Variants in GGA2 observed in about 807,000 individuals in gnomAD.
GGA2 encodes the protein ADP-ribosylation factor-binding protein GGA2.
GGA2 carries 48 observed loss-of-function variants against 79.5 expected under a neutral mutation model. The observed-to-expected ratio is 0.60, with a 90% CI of 0.48 to 0.77. The LOEUF is 0.77. Among genes scored for constraint, GGA2 ranks in the 30% least tolerant of loss-of-function variants. The pLI is 0.00. For missense variants in GGA2, 770 were observed against 774.0 expected, an observed-to-expected ratio of 0.99 and a Z score of 0.06; for synonymous variants, 317 against 302.0, an observed-to-expected ratio of 1.05 and a Z score of -0.51.
chr16:23,521,764 T>C (rs1567375298), intron 1 of GGA2: 1 of 449,544 alleles, frequency 2.2e-6, no homozygotes, highest in Non-Finnish European at 4.4e-6. Flanking sequence ...CTTAGTATTT[T>C]GACCACTCAC....
At chr16:23,473,760 AC>A (rs1195957153) in intron 14 of GGA2, among the ~76,000 whole-genome samples, 1 of 152,210 alleles carries the variant, frequency 6.6e-6, no homozygotes, top group African/African-American at 2.4e-5. Context: ...ATTTCTATAT[AC>A]CCTTCATGTA....
intron 10 of GGA2, chr16:23,480,357 C>CT (rs1214389329): frequency 2.8e-6 from 1 of 359,464 alleles, no homozygotes; most frequent in Admixed American, 4.2e-5. Flanking sequence ...AAGATCATTT[C>CT]TTTTGTCTCT....
chr16:23,483,772 T>C (rs1429066181), intron 8 of GGA2, among the ~76,000 whole-genome samples: 6 of 151,790 alleles, frequency 4.0e-5, no homozygotes, highest in Admixed American at 3.9e-4. Context: ...CTCAGCCTCC[T>C]GAGTAGCCGG....
intron 11 of GGA2, 60 bp downstream of exon 11, chr16:23,479,705 C>G: frequency 6.3e-7 from 1 of 1,594,520 alleles, no homozygotes; most frequent in Non-Finnish European, 8.6e-7. Flanking sequence ...CGAAGGGAAC[C>G]AGCTCACTCC....
At chr16:23,503,658 T>C (rs1964943442) in intron 1 of GGA2, among the ~76,000 whole-genome samples, 1 of 152,232 alleles carries the variant, frequency 6.6e-6, no homozygotes, top group Non-Finnish European at 1.5e-5. Flanking sequence ...ACTTAAAATG[T>C]TGTGTAAAAT....
intron 16 of GGA2, among the ~76,000 whole-genome samples, chr16:23,468,493 A>G (rs1964470457): frequency 7.7e-6 from 1 of 129,068 alleles, no homozygotes; most frequent in Non-Finnish European, 1.6e-5. Context: ...TTTTTTTTTG[A>G]GATGGAGTCT....
chr16:23,477,148 T>A (rs955367021), intron 13 of GGA2, among the ~76,000 whole-genome samples: 7 of 152,112 alleles, frequency 4.6e-5, no homozygotes, highest in African/African-American at 1.7e-4. Context: ...GATGGGGTTT[T>A]GCCATATCTC....
At chr16:23,510,288 G>A in intron 1 of GGA2, 33 bp downstream of exon 1, 1 of 1,364,568 alleles carries the variant, frequency 7.3e-7, no homozygotes, top group Non-Finnish European at 9.6e-7. Flanking sequence ...GTGCGGCGCA[G>A]CGGCTGCGCC....
chr16:23,474,311 T>C (rs1964549644), intron 14 of GGA2, among the ~76,000 whole-genome samples: 2 of 152,084 alleles, frequency 1.3e-5, no homozygotes, highest in South Asian at 2.1e-4. Flanking sequence ...TCCTTGACAG[T>C]GTCAATACTA....
chr16:23,468,980 A>C lies in GGA2; in HGVS notation c.1637T>G (p.Leu546Arg). The change falls in exon 16 of 17, where the codon CTG (leucine) becomes CGG (arginine). Residue 546 changes from leucine (L) to arginine (R), a missense_variant. Leu to Arg is a moderately radical substitution (Grantham distance 102, BLOSUM62 -2). Coordinates refer to ENST00000309859, the MANE Select transcript of GGA2 (RefSeq NM_015044.4). ...VAVPKSMRVK[L>R]QPASSSKLPA... ...AAGCTTGGAGCTGGATGCCGGCTGC[A>C]GCTTCACTCTCATTGACTATCAGGG... is the stretch of plus-strand genomic sequence containing the variant. The C allele has an allele frequency of 1.2e-6, 2 of 1,607,058 alleles. No homozygotes were observed. The highest frequency in any genetic ancestry group is 1.7e-6 in the Non-Finnish European group (2 of 1,173,530).
In GGA2 at chr16:23,510,469, T is replaced by G. The variant is rs112568758; in HGVS notation, c.-58A>C. The stretch of plus-strand genomic sequence containing the variant: ...CACTGCCTCTTCAGCCGCTGTAGCG[T>G]CCTGGCGCTCTCCTCTGCTGACTGC... On this transcript the variant is annotated 5_prime_UTR_variant, in exon 1 of 17. Coordinates refer to ENST00000309859, the MANE Select transcript of GGA2 (RefSeq NM_015044.4). The G allele has an allele frequency of 0.015, 9,393 of 617,354 alleles. 108 individuals are homozygous for G. The highest frequency in any genetic ancestry group is 0.023 in the Middle Eastern group (47 of 2,006). 38.2% of individuals were successfully genotyped at this position (617,354 alleles called of 1,614,324 possible). A position where few individuals can be genotyped will look rare whatever the true frequency, so the allele number is the denominator to read the frequency against.
chr16:23,510,948 T>TGTGTG (rs1965046012), upstream of GGA2, among the ~76,000 whole-genome samples: 1 of 121,062 alleles, frequency 8.3e-6, no homozygotes, highest in South Asian at 2.7e-4. Flanking sequence ...TGTGTGTGTG[T>TGTGTG]TAGAGACTGG....
At chr16:23,478,215 G>GAAAAAAGACAAAAAAAAAAAAAAAAAAAA (rs1964599784) in intron 13 of GGA2, among the ~76,000 whole-genome samples, 153 bp downstream of exon 13, 3 of 108,934 alleles carry the variant, frequency 2.8e-5, no homozygotes, top group African/African-American at 1.0e-4. Flanking sequence ...AAAAAAAAAA[G>GAAAAAAGACAAAAAAAAAAAAAAAAAAAA]AAAAAAAGAC....
Position 23,486,171 on chromosome 16 carries a change from G to A in GGA2, c.661-19C>T. 2 of 1,612,452 alleles carry A rather than the reference G, an allele frequency of 1.2e-6. No homozygotes were observed. The highest frequency in any genetic ancestry group is 8.5e-7 in the Non-Finnish European group (1 of 1,178,536). ...CTTGTTCCTTTTGGGAAAAAGAGGA[G>A]GATGGGAGTGAGGGAGCAGAAACCC... On this transcript the variant is annotated intron_variant, in intron 7 of 16. Transcript: ENST00000309859.
intron 13 of GGA2, among the ~76,000 whole-genome samples, chr16:23,476,360 G>A (rs1480971544): frequency 6.6e-6 from 1 of 152,176 alleles, no homozygotes; most frequent in Non-Finnish European, 1.5e-5. Context: ...CTGTTTGGGT[G>A]AAGGTAAGCT....
chr16:23,489,607 G>GCA (rs1964757690), intron 5 of GGA2, among the ~76,000 whole-genome samples: 2 of 151,918 alleles, frequency 1.3e-5, no homozygotes. Context: ...TGAAATCTAA[G>GCA]GAAAAAAACA....
chr16:23,469,345 G>T, intron 15 of GGA2: 1 of 229,674 alleles, frequency 4.4e-6, no homozygotes, highest in Non-Finnish European at 9.1e-6. Context: ...CTGAGCCTTG[G>T]GTTAACTTAT....
At chr16:23,491,914 G>A in intron 4 of GGA2, 114 bp from the exon 5 acceptor site, 1 of 646,460 alleles carries the variant, frequency 1.5e-6, no homozygotes, top group South Asian at 1.8e-5. Flanking sequence ...GGCGCGGTAT[G>A]AGTGTGAGGA....
In GGA2 at chr16:23,488,666, T is replaced by G. The variant is rs368831806; in HGVS notation, c.519A>C (p.Leu173Phe). The change falls in exon 6 of 17, where the codon TTA becomes TTC. Residue 173 changes from leucine (L) to phenylalanine (F), a missense_variant. By Grantham distance (22) the Leu-to-Phe change is conservative (BLOSUM62 0). Coordinates refer to ENST00000309859, the MANE Select transcript of GGA2 (RefSeq NM_015044.4). ...TCTTGGGCCAGGGAGATGGTGGGGG[T>G]AAGATTTTATCCACTGGTAGTTTAG... ...QDPKLPVDKILPPPSPWPKSS... is the reference protein window; with the variant it reads ...QDPKLPVDKIFPPPSPWPKSS... 6.2e-7 allele frequency: 1 copy of G among 1,610,420 alleles called. No homozygotes were observed. Among genetic ancestry groups the G allele is most frequent in the South Asian group, 1.1e-5 (1 of 90,988 alleles).
Sources: allele counts gnomAD v4.1 joint callset (sites outside exome capture counted in the v4.1 genomes callset), GRCh38; gene constraint gnomAD v4.1.1; transcripts MANE v1.5; gene names NCBI Gene and HGNC (gene_info 2026-07-23, HGNC 2026-07-21).